MMP20: variants seen among roughly 807,000 people sequenced by gnomAD.
The protein encoded by MMP20 is matrix metallopeptidase 20.
Under a neutral mutation model 51.8 loss-of-function variants are expected in MMP20, and 50 were observed. The ratio of observed to expected loss-of-function variants is 0.97; its 90% CI spans 0.77 to 1.22. MMP20 has a LOEUF of 1.22. MMP20 is among the 50% of genes most tolerant of loss of function. The pLI is 0.00. For synonymous variants in MMP20, 244 were observed against 216.2 expected (o/e 1.13, Z -1.13); for missense variants, 663 against 601.4 (o/e 1.10, Z -1.07).
chr11:102,594,030 A>G (rs1859350107), intron 7 of MMP20, among the ~76,000 whole-genome samples: 2 of 152,226 alleles, frequency 1.3e-5, no homozygotes, highest in Non-Finnish European at 2.9e-5. Flanking sequence ...CCTACTGGAT[A>G]ACTTCCATTG....
At chr11:102,612,653 C>T (rs1339679256) in intron 2 of MMP20, among the ~76,000 whole-genome samples, 1 of 151,088 alleles carries the variant, frequency 6.6e-6, no homozygotes, top group Non-Finnish European at 1.5e-5. Flanking sequence ...TTCAAAGCTC[C>T]TCAGGATTTC....
At chr11:102,624,454 A>G (rs532761236) in intron 1 of MMP20, among the ~76,000 whole-genome samples, 6 of 144,614 alleles carry the variant, frequency 4.1e-5, no homozygotes, top group Admixed American at 2.1e-4. Context: ...ATATGTAGAA[A>G]TCATTTTGAG....
At chr11:102,594,486 A>G (rs143298229) in intron 7 of MMP20, 135 bp downstream of exon 7, 2 of 1,173,740 alleles carry the variant, frequency 1.7e-6, no homozygotes, top group East Asian at 2.6e-5. Flanking sequence ...GTGGCATTTC[A>G]TACCCAACCT....
intron 4 of MMP20, 58 bp downstream of exon 4, chr11:102,609,847 A>G: frequency 6.2e-7 from 1 of 1,612,248 alleles, no homozygotes; most frequent in African/African-American, 1.3e-5. Context: ...AGGTTTCATG[A>G]TGGAGCCCAG....
At chr11:102,605,920 G>C (rs888218801) in intron 6 of MMP20, among the ~76,000 whole-genome samples, 1 of 152,142 alleles carries the variant, frequency 6.6e-6, no homozygotes, top group African/African-American at 2.4e-5. Flanking sequence ...GGGGAGAAGA[G>C]GGATCTGCCT....
intron 8 of MMP20, among the ~76,000 whole-genome samples, chr11:102,585,957 G>T (rs1859249859): frequency 6.6e-6 from 1 of 152,040 alleles, no homozygotes; most frequent in African/African-American, 2.4e-5. Context: ...ATCCTACTTG[G>T]TCTTGGTGTA....
intron 8 of MMP20, among the ~76,000 whole-genome samples, chr11:102,590,122 C>T (rs772972791): frequency 9.2e-5 from 14 of 152,116 alleles, no homozygotes; most frequent in Non-Finnish European, 1.3e-4. Context: ...GGTGACACCC[C>T]CTGCTGCCAG....
At chr11:102,585,245 C>A (rs1247212058) in intron 8 of MMP20, among the ~76,000 whole-genome samples, 1 of 152,108 alleles carries the variant, frequency 6.6e-6, no homozygotes, top group South Asian at 2.1e-4. Flanking sequence ...CATGAGATAT[C>A]ACTCCATTTA....
chr11:102,612,028 T>C (rs1751458138), intron 2 of MMP20, 125 bp from the exon 3 acceptor site: 1 of 936,198 alleles, frequency 1.1e-6, no homozygotes, highest in Non-Finnish European at 1.6e-6. Flanking sequence ...GAAATAATAA[T>C]TCTTATTTTG....
intron 6 of MMP20, among the ~76,000 whole-genome samples, chr11:102,602,036 G>A (rs536196810): frequency 9.2e-4 from 133 of 145,178 alleles, no homozygotes; most frequent in Non-Finnish European, 1.6e-3. Flanking sequence ...TACAAGCTCC[G>A]CCTCCCGGGT....
At chr11:102,582,399 T>C (rs1195110898) in intron 8 of MMP20, among the ~76,000 whole-genome samples, 3 of 152,160 alleles carry the variant, frequency 2.0e-5, no homozygotes, top group Admixed American at 6.5e-5. Context: ...GTTTCTAAGA[T>C]GGTTTCAGGA....
Position 102,600,062 on chromosome 11 carries a change from C to G in MMP20, c.954-5305G>C, listed in dbSNP as rs190278987. ...ATGAGTCAGGGATGTTACTTCACCT[C>G]TGCTTCTTTATCTGAATTCTTAATA... On this transcript the variant is annotated intron_variant, in intron 6 of 9. Coordinates refer to ENST00000260228, the MANE Select transcript of MMP20 (RefSeq NM_004771.4). Among the ~76,000 whole-genome samples, 14 of 152,342 alleles carry G rather than the reference C, an allele frequency of 9.2e-5. No homozygotes were observed. The East Asian group carries it at 2.5e-3, about 27-fold the overall frequency.
chr11:102,577,487 G>A, intron 9 of MMP20, 61 bp from the exon 10 acceptor site: 2 of 1,167,280 alleles, frequency 1.7e-6, no homozygotes, highest in Non-Finnish European at 2.6e-6. Flanking sequence ...ATAAATGGAA[G>A]AATTTGTCAC....
chr11:102,608,609 G>A (rs1429492044), intron 5 of MMP20, among the ~76,000 whole-genome samples: 4 of 152,166 alleles, frequency 2.6e-5, no homozygotes, highest in Non-Finnish European at 5.9e-5. Flanking sequence ...AAATGGGTAA[G>A]CACCACATAT....
At position 102,593,501 on chromosome 11, in the gene MMP20, A is replaced by T; in HGVS notation, c.1185T>A (p.Asp395Glu). 6.2e-7 allele frequency: 1 copy of T among 1,614,204 alleles called. No individual in the cohort carries two copies. The highest frequency in any genetic ancestry group is 8.5e-7 in the Non-Finnish European group (1 of 1,180,004). ...FGFPRHVQQIDAAVYLREPQK... is the reference protein window; with the variant it reads ...FGFPRHVQQIEAAVYLREPQK... ...GTGGCTCCCTGAGGTAGACAGCAGCATCTATTTGCTGCACGTGCCTTGGAA... is the reference window on the plus strand; with the variant it reads ...GTGGCTCCCTGAGGTAGACAGCAGCTTCTATTTGCTGCACGTGCCTTGGAA... The change falls in exon 8 of 10, where the codon GAT becomes GAA. Residue 395 changes from aspartate (D) to glutamate (E), a missense_variant. By Grantham distance (45) the Asp-to-Glu change is conservative. Coordinates refer to ENST00000260228, the MANE Select transcript of MMP20 (RefSeq NM_004771.4).
At chr11:102,596,472 T>A (rs998913954) in intron 6 of MMP20, among the ~76,000 whole-genome samples, 2 of 152,170 alleles carry the variant, frequency 1.3e-5, no homozygotes, top group Non-Finnish European at 2.9e-5. Context: ...AATGAGATAA[T>A]GAATATGAAA....
intron 6 of MMP20, 24 bp downstream of exon 6, chr11:102,606,511 G>A (rs1237458759): frequency 1.9e-6 from 3 of 1,613,408 alleles, no homozygotes; most frequent in South Asian, 1.1e-5. Flanking sequence ...CCCAATGAGA[G>A]TCGGTGGCGT....
In MMP20 at chr11:102,621,833, ACAATTTT is replaced by A. The variant is rs1859754660; in HGVS notation, c.126+3354_126+3360del. Among the ~76,000 whole-genome samples the A allele has an allele frequency of 2.0e-5, 3 of 152,360 alleles. No homozygotes were observed. The South Asian group carries it at 6.2e-4, about 32-fold the overall frequency. On this transcript the variant is annotated intron_variant, in intron 1 of 9. Coordinates refer to ENST00000260228, the MANE Select transcript of MMP20 (RefSeq NM_004771.4). Reference sequence around the variant, plus strand: ...TAAAAACCACATTTTGAAGACAGTAACAATTTTAAAAAGTCTTTATCATAGAAAATAA... The same window carrying A: ...TAAAAACCACATTTTGAAGACAGTAAAAAAAGTCTTTATCATAGAAAATAA...
In MMP20 at chr11:102,594,723, C is replaced by A; in HGVS notation, c.988G>T (p.Gly330Ter). ...FWRRQVHLRT[G>*]IRPSTITSSF... ...CTGGTAATAGTGCTGGGCCGAATTC[C>A]TGTCCGCAAGTGAACCTGCCGTCTC... The change falls in exon 7 of 10, where the codon GGA becomes TGA. Residue 330 changes from glycine (G) to a stop codon, truncating the protein, a stop_gained. Transcript: ENST00000260228. LOFTEE classifies it high-confidence loss of function. 6.2e-7 allele frequency: 1 copy of A among 1,610,344 alleles called. No individual in the cohort carries two copies. Among genetic ancestry groups the A allele is most frequent in the Non-Finnish European group, 8.5e-7 (1 of 1,179,476 alleles).
Sources: allele counts gnomAD v4.1 joint callset (sites outside exome capture counted in the v4.1 genomes callset), GRCh38; gene constraint gnomAD v4.1.1; transcripts MANE v1.5; gene names NCBI Gene and HGNC (gene_info 2026-07-23, HGNC 2026-07-21).